The following UGCG variants were observed in gnomAD, a reference collection of about 807,000 sequenced individuals.
The protein encoded by UGCG is UDP-glucose ceramide glucosyltransferase, also known as ceramide glucosyltransferase.
UGCG carries 10 observed loss-of-function variants against 49.5 expected under a neutral mutation model. The ratio of observed to expected loss-of-function variants is 0.20; its 90% CI spans 0.12 to 0.34. The LOEUF (loss-of-function observed/expected upper bound fraction) is 0.34, where lower values mean the gene tolerates loss of function less well. UGCG is among the 10% of genes least tolerant of loss of function. UGCG has a pLI of 1.00. For synonymous variants in UGCG, 182 were observed against 158.2 expected (o/e 1.15, Z -1.13); for missense variants, 312 against 483.7 (o/e 0.65, Z 3.33).
intron 5 of UGCG, 126 bp downstream of exon 5, chr9:111,926,622 G>A (rs1838316356): frequency 1.6e-6 from 1 of 610,032 alleles, no homozygotes; most frequent in Non-Finnish European, 2.6e-6. Context: ...GGAACCTGCT[G>A]TGTTCTAGAA....
intron 1 of UGCG, among the ~76,000 whole-genome samples, chr9:111,898,538 G>T (rs1023201493): frequency 2.0e-5 from 3 of 152,142 alleles, no homozygotes; most frequent in Admixed American, 2.0e-4. Context: ...GAAAGTGAAA[G>T]AAAACATGCC....
chr9:111,924,399 ATGTACTTATACTT>A (rs1282603244), intron 3 of UGCG, among the ~76,000 whole-genome samples: 1 of 152,150 alleles, frequency 6.6e-6, no homozygotes, highest in Non-Finnish European at 1.5e-5. Flanking sequence ...ATACTTTCTC[ATGTACTTATACTT>A]TATTTGTGGT....
At chr9:111,920,901 C>T (rs558622897) in intron 2 of UGCG, among the ~76,000 whole-genome samples, 11 of 149,094 alleles carry the variant, frequency 7.4e-5, no homozygotes, top group East Asian at 6.0e-4. Context: ...TTTATGTTGT[C>T]GTCGTTTTGT....
chr9:111,902,621 C>A (rs923292598), intron 1 of UGCG, among the ~76,000 whole-genome samples: 5 of 152,190 alleles, frequency 3.3e-5, no homozygotes, highest in Non-Finnish European at 7.3e-5. Context: ...AGCTTTGTGA[C>A]TTGGAGCAGG....
Position 111,926,376 on chromosome 9 carries a change from A to T in UGCG, c.446-8A>T, listed in dbSNP as rs761736102. Reference sequence around the variant, plus strand: ...TCTCCCCCTCTCTGCCTTTTTTTTAAATTGTAGTAATTCCAGATACGCTTA... The same window carrying T: ...TCTCCCCCTCTCTGCCTTTTTTTTATATTGTAGTAATTCCAGATACGCTTA... On this transcript the variant is annotated splice_polypyrimidine_tract_variant and splice_region_variant and intron_variant, in intron 4 of 8. Transcript: ENST00000374279. 5 of 1,583,612 alleles carry T rather than the reference A, an allele frequency of 3.2e-6. No homozygotes were observed. In the Admixed American group the frequency reaches 5.4e-5, roughly 17 times the overall value.
At chr9:111,921,356 A>C (rs1838218566) in intron 2 of UGCG, among the ~76,000 whole-genome samples, 1 of 152,154 alleles carries the variant, frequency 6.6e-6, no homozygotes, top group South Asian at 2.1e-4. Context: ...AAATACTTAA[A>C]AAATTTAGTT....
Position 111,897,195 on chromosome 9 carries a change from G to C in UGCG, c.-21G>C. Reference sequence around the variant, plus strand: ...CGTGTTGGCGGCCGCAGCGGGCCGGGCCGGTCCGGCGGGCCGGGGGATGGC... The same window carrying C: ...CGTGTTGGCGGCCGCAGCGGGCCGGCCCGGTCCGGCGGGCCGGGGGATGGC... On this transcript the variant is annotated 5_prime_UTR_variant, in exon 1 of 9. Transcript: ENST00000374279. 1.9e-6 allele frequency: 3 copies of C among 1,539,604 alleles called. No individual in the cohort carries two copies. Among genetic ancestry groups the C allele is most frequent in the Non-Finnish European group, 2.6e-6 (3 of 1,144,856 alleles).
intron 3 of UGCG, among the ~76,000 whole-genome samples, chr9:111,923,682 G>T (rs775821530): frequency 3.3e-5 from 5 of 151,626 alleles, no homozygotes; most frequent in Admixed American, 1.3e-4. Flanking sequence ...ACCCGGGCTG[G>T]AGTGCAATGG....
chr9:111,908,789 C>G (rs1178531601), intron 1 of UGCG, among the ~76,000 whole-genome samples: 11 of 152,194 alleles, frequency 7.2e-5, no homozygotes, highest in African/African-American at 2.7e-4. Context: ...TGCAGAAACC[C>G]TGATCTGAGA....
Position 111,933,667 on chromosome 9 carries a change from T to C in UGCG, c.*670T>C, listed in dbSNP as rs890387486. The C allele has an allele frequency of 2.0e-5, 3 of 152,222 alleles. No individual in the cohort carries two copies. Among genetic ancestry groups the C allele is most frequent in the Non-Finnish European group, 4.4e-5 (3 of 68,032 alleles). 9.4% of individuals were successfully genotyped at this position (152,222 alleles called of 1,614,324 possible). A position where few individuals can be genotyped will look rare whatever the true frequency, so the allele number is the denominator to read the frequency against. ...TGAGAGATAATTTTTTTGGTCTCAC[T>C]GCAATGAACCAAAAGCGGCTGAGTT... On this transcript the variant is annotated 3_prime_UTR_variant, in exon 9 of 9. Transcript: ENST00000374279.
intron 1 of UGCG, among the ~76,000 whole-genome samples, chr9:111,910,860 C>T (rs1204839205): frequency 6.6e-6 from 1 of 152,170 alleles, no homozygotes; most frequent in Admixed American, 6.5e-5. Context: ...ATTCTCATGC[C>T]TCAGCCTTCC....
chr9:111,907,243 C>T (rs1473076900), intron 1 of UGCG, among the ~76,000 whole-genome samples: 2 of 152,236 alleles, frequency 1.3e-5, no homozygotes, highest in African/African-American at 4.8e-5. Flanking sequence ...CTGTATCACA[C>T]TGCATTTGCA....
chr9:111,906,939 C>T (rs189586993), intron 1 of UGCG, among the ~76,000 whole-genome samples: 3 of 152,340 alleles, frequency 2.0e-5, no homozygotes, highest in Admixed American at 6.5e-5. Context: ...TCAGCCTTGT[C>T]TGTGAAGTCA....
intron 7 of UGCG, among the ~76,000 whole-genome samples, chr9:111,931,617 C>T (rs1202900730): frequency 6.6e-6 from 1 of 152,118 alleles, no homozygotes; most frequent in Non-Finnish European, 1.5e-5. Context: ...TATTTTCTAA[C>T]TTTCTGTGCT....
At chr9:111,932,448 G>A (rs180692433) in intron 8 of UGCG, 89 bp downstream of exon 8, 4 of 1,319,286 alleles carry the variant, frequency 3.0e-6, no homozygotes, top group African/African-American at 1.5e-5. Context: ...ATGTATCTGA[G>A]CCATTCTTCA....
chr9:111,934,822 A>G lies in UGCG; in HGVS notation c.*1825A>G, dbSNP rs1838490004. 1.3e-5 allele frequency: 2 copies of G among 150,624 alleles called. No individual in the cohort carries two copies. The highest frequency in any genetic ancestry group is 4.2e-4 in the South Asian group (2 of 4,806). 9.3% of individuals were successfully genotyped at this position (150,624 alleles called of 1,614,324 possible). On this transcript the variant is annotated 3_prime_UTR_variant, in exon 9 of 9. Transcript: ENST00000374279. ...TATTCCTTTCTTTCTGTGAATGGGTATTATTCCCTGAGGAAAGTTGCACAG... is the reference window on the plus strand; with the variant it reads ...TATTCCTTTCTTTCTGTGAATGGGTGTTATTCCCTGAGGAAAGTTGCACAG...
At chr9:111,919,794 C>CAA (rs61089422) in intron 2 of UGCG, among the ~76,000 whole-genome samples, 7,760 of 76,152 alleles carry the variant, frequency 0.1, 531 homozygotes, top group East Asian at 0.25. Context: ...GACTCCATCT[C>CAA]AAAAAAAAAA....
chr9:111,897,324 G>A lies in UGCG; in HGVS notation c.98+11G>A. 1 of 1,549,348 alleles carries A rather than the reference G, an allele frequency of 6.5e-7. No homozygotes were observed. Among genetic ancestry groups the A allele is most frequent in the Non-Finnish European group, 8.7e-7 (1 of 1,146,808 alleles). Reference sequence around the variant, plus strand: ...GGCTATCATCTACACGTGAGTGAGGGACCGCAGGAGGGGCTCGGGGCAGGG... The same window carrying A: ...GGCTATCATCTACACGTGAGTGAGGAACCGCAGGAGGGGCTCGGGGCAGGG... On this transcript the variant is annotated intron_variant, in intron 1 of 8. Coordinates refer to ENST00000374279, the MANE Select transcript of UGCG (RefSeq NM_003358.3).
chr9:111,932,023 T>TAA (rs10708488), intron 7 of UGCG, 147 bp from the exon 8 acceptor site: 905 of 734,858 alleles, frequency 1.2e-3, no homozygotes, highest in South Asian at 1.8e-3. Context: ...CCGTCTCAAG[T>TAA]AAAAAAAAAA....
Sources: gnomAD v4.1 joint callset for allele counts (sites outside exome capture counted in the v4.1 genomes callset) on GRCh38, gnomAD v4.1.1 for gene constraint, MANE v1.5 for transcripts, NCBI Gene and HGNC (gene_info 2026-07-23, HGNC 2026-07-21) for gene names.